The following CEP112 variants were observed in gnomAD, a reference collection of about 807,000 sequenced individuals.
CEP112 encodes centrosomal protein 112, also known as centrosomal protein of 112 kDa.
A neutral mutation model predicts 153.0 loss-of-function variants in CEP112; 127 were observed. The ratio of observed to expected loss-of-function variants is 0.83; its 90% confidence interval spans 0.72 to 0.96. CEP112 has a LOEUF of 0.96. Ranked by LOEUF, CEP112 falls within the 40% of genes least tolerant of loss-of-function variation. The pLI, the probability that CEP112 is intolerant of heterozygous loss-of-function variation, is 0.00. For missense variants in CEP112, 1,089 were observed against 1,101.2 expected (o/e 0.99, Z 0.16); for synonymous variants, 358 against 374.4 (o/e 0.96, Z 0.51).
chr17:65,788,323 A>T (rs1195341862), intron 21 of CEP112, among the ~76,000 whole-genome samples: 1 of 152,198 alleles, frequency 6.6e-6, no homozygotes, highest in East Asian at 1.9e-4. Context: ...TTGGTTAGGA[A>T]TTTTACACTT....
At chr17:65,669,554 A>G (rs1683174643) in intron 24 of CEP112, among the ~76,000 whole-genome samples, 1 of 152,120 alleles carries the variant, frequency 6.6e-6, no homozygotes, top group Non-Finnish European at 1.5e-5. Flanking sequence ...TATTTACTGT[A>G]TGGGGAAGGC....
chr17:65,716,967 G>A (rs1183621206), intron 23 of CEP112, among the ~76,000 whole-genome samples: 1 of 152,138 alleles, frequency 6.6e-6, no homozygotes, highest in Non-Finnish European at 1.5e-5. Flanking sequence ...ATTTATTATT[G>A]CCATCCCCTT....
At position 66,155,596 on chromosome 17, in the gene CEP112, T is replaced by C. The variant is rs372698243; in HGVS notation, c.470+19448A>G. The stretch of plus-strand genomic sequence containing the variant: ...GCTGAAGCCAGGGAGCCAAGTGGTC[T>C]AGTTCACTGGATCCCACCCCCACAG... On this transcript the variant is annotated intron_variant, in intron 4 of 26. Coordinates refer to ENST00000535342, the MANE Select transcript of CEP112 (RefSeq NM_001199165.4). 2.2e-4 allele frequency among the ~76,000 whole-genome samples: 33 copies of C among 152,084 alleles called. No homozygotes were observed. The East Asian group carries it at 6.2e-3, about 29-fold the overall frequency.
chr17:66,177,660 T>C (rs1341690480), intron 2 of CEP112, among the ~76,000 whole-genome samples: 1 of 152,182 alleles, frequency 6.6e-6, no homozygotes, highest in Non-Finnish European at 1.5e-5. Flanking sequence ...TGCTGTCAAA[T>C]ACTAGGTCGC....
At position 66,149,876 on chromosome 17, in the gene CEP112, TTTTGTTTG is replaced by T. The variant is rs1157928278; in HGVS notation, c.471-17121_471-17114del. ...TAAGGTGTAAATTTAGGGTTTTTTT[TTTTGTTTG>T]TTTGTTTTTTTTTTTTTTTTTTTTT... On this transcript the variant is annotated intron_variant, in intron 4 of 26. Coordinates refer to ENST00000535342, the MANE Select transcript of CEP112 (RefSeq NM_001199165.4). 4.2e-4 allele frequency among the ~76,000 whole-genome samples: 30 copies of T among 71,670 alleles called. 1 individual carries two copies. Among genetic ancestry groups the T allele is most frequent in the South Asian group, 6.8e-4 (1 of 1,472 alleles). The allele number at this position is 71,670 out of a possible 152,430, so 47.0% of individuals were successfully genotyped here.
At chr17:65,690,529 G>A (rs533506722) in intron 23 of CEP112, among the ~76,000 whole-genome samples, 1 of 151,960 alleles carries the variant, frequency 6.6e-6, no homozygotes, top group African/African-American at 2.4e-5. Flanking sequence ...TAACCGTGAT[G>A]AGTGCAGAAG....
At chr17:66,104,099 G>C (rs1037642043) in intron 6 of CEP112, among the ~76,000 whole-genome samples, 1 of 152,156 alleles carries the variant, frequency 6.6e-6, no homozygotes, top group Admixed American at 6.5e-5. Context: ...ATGCTGTGCT[G>C]AGCTCAAAGC....
At chr17:65,858,505 T>A (rs1235020513) in intron 20 of CEP112, among the ~76,000 whole-genome samples, 3 of 152,214 alleles carry the variant, frequency 2.0e-5, no homozygotes, top group African/African-American at 7.2e-5. Context: ...CTTATTTTTT[T>A]AATCTCTGAT....
At chr17:65,914,656 A>T (rs2060408476) in intron 19 of CEP112, among the ~76,000 whole-genome samples, 1 of 152,166 alleles carries the variant, frequency 6.6e-6, no homozygotes, top group Non-Finnish European at 1.5e-5. Context: ...TTGCCAAATT[A>T]AGCATGCTGC....
At chr17:66,160,057 CAGAG>C (rs1293647835) in intron 4 of CEP112, among the ~76,000 whole-genome samples, 1 of 152,104 alleles carries the variant, frequency 6.6e-6, no homozygotes, top group African/African-American at 2.4e-5. Flanking sequence ...AACAGACAAA[CAGAG>C]AGCCAAATCA....
In CEP112 at chr17:65,999,346, C is replaced by T. The variant is rs533279219; in HGVS notation, c.1736+6344G>A. 6.6e-5 allele frequency among the ~76,000 whole-genome samples: 10 copies of T among 151,828 alleles called. No homozygotes were observed. The East Asian group carries it at 9.8e-4, about 15-fold the overall frequency. ...CCTCCTGAGTAGCTGGGACTATAGG[C>T]GCCTGCCACAGCACACGGCTAATTT... On this transcript the variant is annotated intron_variant, in intron 17 of 26. Transcript: ENST00000535342.
intron 8 of CEP112, among the ~76,000 whole-genome samples, chr17:66,079,211 G>A (rs1286269425): frequency 6.6e-6 from 1 of 152,130 alleles, no homozygotes; most frequent in African/African-American, 2.4e-5. Context: ...AGGCTGAAAT[G>A]GGTGGATCAC....
intron 17 of CEP112, among the ~76,000 whole-genome samples, chr17:65,981,231 A>G (rs995030733): frequency 2.0e-5 from 3 of 152,226 alleles, no homozygotes; most frequent in Non-Finnish European, 2.9e-5. Flanking sequence ...TATAGGGTAT[A>G]CAAGCCACTG....
At chr17:65,880,061 T>C (rs1040567895) in intron 20 of CEP112, among the ~76,000 whole-genome samples, 2 of 149,554 alleles carry the variant, frequency 1.3e-5, no homozygotes, top group Non-Finnish European at 3.0e-5. Context: ...GTTAGATTTA[T>C]TTCTGGGAAC....
At chr17:65,708,378 A>G (rs2049016055) in intron 23 of CEP112, among the ~76,000 whole-genome samples, 1 of 152,240 alleles carries the variant, frequency 6.6e-6, no homozygotes, top group African/African-American at 2.4e-5. Context: ...ACCTCAGATT[A>G]TAAAATAATA....
intron 1 of CEP112, among the ~76,000 whole-genome samples, chr17:66,188,361 T>C (rs2073024352): frequency 7.0e-6 from 1 of 141,866 alleles, no homozygotes; most frequent in Non-Finnish European, 1.5e-5. Flanking sequence ...AATGCCCACT[T>C]CCCTCTTGCC....
At chr17:66,020,704 A>G (rs1598131043) in intron 16 of CEP112, among the ~76,000 whole-genome samples, 1 of 152,258 alleles carries the variant, frequency 6.6e-6, no homozygotes, top group African/African-American at 2.4e-5. Flanking sequence ...TTAAAACAGC[A>G]GATAGTGACA....
At chr17:65,969,990 G>C (rs993212372) in intron 17 of CEP112, among the ~76,000 whole-genome samples, 1 of 152,092 alleles carries the variant, frequency 6.6e-6, no homozygotes, top group African/African-American at 2.4e-5. Context: ...TCACACGCAT[G>C]TTACACACAT....
chr17:66,150,537 G>A (rs929819714), intron 4 of CEP112, among the ~76,000 whole-genome samples: 2 of 152,180 alleles, frequency 1.3e-5, no homozygotes, highest in Non-Finnish European at 2.9e-5. Flanking sequence ...AGCCACTGGA[G>A]TGTTCTTTAT....
Sources: allele counts gnomAD v4.1 joint callset (sites outside exome capture counted in the v4.1 genomes callset), GRCh38; gene constraint gnomAD v4.1.1; transcripts MANE v1.5; gene names NCBI Gene and HGNC (gene_info 2026-07-23, HGNC 2026-07-21).